Variants in ARHGAP18 observed in about 807,000 individuals in gnomAD.
ARHGAP18 encodes the protein Rho GTPase activating protein 18, also known as rho GTPase-activating protein 18.
ARHGAP18 carries 67 observed loss-of-function variants against 86.2 expected under a neutral mutation model. That is an observed-to-expected ratio of 0.78 (90% CI 0.64 to 0.95). The LOEUF is 0.95. ARHGAP18 is among the 40% of genes least tolerant of loss of function. The probability of loss-of-function intolerance (pLI) is 0.00; values close to 1 mark genes in which losing one functional copy is unlikely to be tolerated. For missense variants in ARHGAP18, 691 were observed against 780.4 expected, an observed-to-expected ratio of 0.89 and a Z score of 1.37; for synonymous variants, 283 against 280.4, an observed-to-expected ratio of 1.01 and a Z score of -0.09.
rs1204326686 is a variant in ARHGAP18 at position 129,618,769 on chromosome 6, T to C, written c.870A>G (p.Leu290=). The C allele has an allele frequency of 6.2e-7, 1 of 1,613,794 alleles. No individual in the cohort carries two copies. The highest frequency in any genetic ancestry group is 2.2e-5 in the East Asian group (1 of 44,872). The change falls in exon 6 of 15, where the codon TTA becomes TTG. Residue 290 remains leucine, a synonymous_variant. Transcript: ENST00000368149. ...APQDMKKVCH[L]ALIELTALYD... The stretch of plus-strand genomic sequence containing the variant: ...AGAGGGCAGTCAGCTCAATTAGGGC[T>C]AAATGGCAAACTTTCTTCATGTCCT...
chr6:129,604,237 T>G (rs1788807981), intron 10 of ARHGAP18, among the ~76,000 whole-genome samples: 1 of 150,420 alleles, frequency 6.6e-6, no homozygotes, highest in African/African-American at 2.4e-5. Context: ...ATCTTTCCGA[T>G]AGCCTCATAC....
chr6:129,661,496 C>CT (rs1286075605), intron 1 of ARHGAP18, among the ~76,000 whole-genome samples: 1 of 139,192 alleles, frequency 7.2e-6, no homozygotes, highest in Non-Finnish European at 1.5e-5. Context: ...AATATCCACC[C>CT]TTTTTCTCTT....
At chr6:129,692,302 G>A (rs931853894) in intron 1 of ARHGAP18, among the ~76,000 whole-genome samples, 6 of 152,104 alleles carry the variant, frequency 3.9e-5, no homozygotes, top group Admixed American at 1.3e-4. Context: ...AGTTAAGCTC[G>A]CCTGAGCAGA....
At chr6:129,616,372 G>T in intron 6 of ARHGAP18, 69 bp from the exon 7 acceptor site, 1 of 1,263,054 alleles carries the variant, frequency 7.9e-7, no homozygotes. Flanking sequence ...AAATGTTAAA[G>T]CATAAGATTT....
At chr6:129,701,313 C>A (rs1020332523) in intron 1 of ARHGAP18, among the ~76,000 whole-genome samples, 6 of 152,142 alleles carry the variant, frequency 3.9e-5, no homozygotes, top group Admixed American at 3.9e-4. Context: ...GTGTCATGTC[C>A]TAAATATCTT....
chr6:129,686,537 T>G (rs150034159), intron 1 of ARHGAP18, among the ~76,000 whole-genome samples: 1 of 152,240 alleles, frequency 6.6e-6, no homozygotes, highest in Admixed American at 6.5e-5. Context: ...CAGAGCTGCC[T>G]TGGCTCCTCA....
intron 6 of ARHGAP18, among the ~76,000 whole-genome samples, chr6:129,617,637 A>T (rs940096567): frequency 7.2e-5 from 11 of 152,260 alleles, no homozygotes; most frequent in East Asian, 3.9e-4. Flanking sequence ...AAACATAAGA[A>T]TTAAAAAAAA....
chr6:129,651,466 T>G (rs1773708863), intron 1 of ARHGAP18, among the ~76,000 whole-genome samples: 1 of 152,222 alleles, frequency 6.6e-6, no homozygotes, highest in Non-Finnish European at 1.5e-5. Flanking sequence ...CCTTACTCTC[T>G]GGTTGGGTGC....
rs2068686 is a variant in ARHGAP18 at position 129,708,645 on chromosome 6, A to G, written c.113+1379T>C. Among the ~76,000 whole-genome samples the G allele has an allele frequency of 8.1e-3, 1,240 of 152,324 alleles. 10 individuals carry two copies. The highest frequency in any genetic ancestry group is 0.061 in the Middle Eastern group (18 of 294). On this transcript the variant is annotated intron_variant, in intron 1 of 14. Transcript: ENST00000368149. ...GATCCAAGATTCAGCTCAGGTCCTC[A>G]GGCCATTCAGCCTAAAGTCGGAGAA...
chr6:129,603,350 T>C (rs1213890168), intron 10 of ARHGAP18, among the ~76,000 whole-genome samples: 1 of 152,180 alleles, frequency 6.6e-6, no homozygotes, highest in African/African-American at 2.4e-5. Flanking sequence ...TGAGTAGTAT[T>C]ACATGGTGTA....
At chr6:129,634,831 A>G (rs1773298159) in intron 3 of ARHGAP18, among the ~76,000 whole-genome samples, 1 of 152,188 alleles carries the variant, frequency 6.6e-6, no homozygotes. Context: ...TATCTCAATC[A>G]TGCTGTTATA....
intron 1 of ARHGAP18, among the ~76,000 whole-genome samples, chr6:129,648,538 G>C (rs897536472): frequency 2.6e-5 from 4 of 151,724 alleles, no homozygotes; most frequent in African/African-American, 9.7e-5. Flanking sequence ...TTGGGAGGCT[G>C]AGGTGGGAAG....
intron 13 of ARHGAP18, among the ~76,000 whole-genome samples, chr6:129,580,867 C>G (rs886410209): frequency 5.3e-5 from 8 of 151,838 alleles, no homozygotes; most frequent in Non-Finnish European, 1.0e-4. Flanking sequence ...AGAATGAGAT[C>G]CTGTCTCCAA....
At chr6:129,594,341 C>T (rs1788574376) in intron 12 of ARHGAP18, among the ~76,000 whole-genome samples, 2 of 152,164 alleles carry the variant, frequency 1.3e-5, no homozygotes, top group South Asian at 4.1e-4. Context: ...ACTCTTCCTG[C>T]CTGGGCTTCA....
chr6:129,662,559 A>G (rs987848585), intron 1 of ARHGAP18, among the ~76,000 whole-genome samples: 13 of 152,248 alleles, frequency 8.5e-5, no homozygotes, highest in African/African-American at 2.4e-4. Flanking sequence ...GCAAAGTTGT[A>G]GTCAGATGGC....
At chr6:129,624,434 G>A (rs576600483) in intron 5 of ARHGAP18, among the ~76,000 whole-genome samples, 48 of 152,172 alleles carry the variant, frequency 3.2e-4, no homozygotes, top group African/African-American at 1.2e-3. Flanking sequence ...GGAGGCTGAG[G>A]CAGGAGACTC....
chr6:129,616,266 T>C lies in ARHGAP18; in HGVS notation c.990A>G (p.Leu330=). 2 of 1,611,224 alleles carry C rather than the reference T, an allele frequency of 1.2e-6. No homozygotes were observed. Among genetic ancestry groups the C allele is most frequent in the Non-Finnish European group, 1.7e-6 (2 of 1,178,522 alleles). Reference sequence around the variant, plus strand: ...CTGGTACTTTCCTCTGATCTTGTTCTAATAGCGCTGTCAATGGAACGCAAA... The same window carrying C: ...CTGGTACTTTCCTCTGATCTTGTTCCAATAGCGCTGTCAATGGAACGCAAA... ...GLFCVPLTAL[L]EQDQRKVPGM... Residue 330 remains leucine (L), a synonymous_variant, in exon 7 of 15, where the codon TTA becomes TTG. Coordinates refer to ENST00000368149, the MANE Select transcript of ARHGAP18 (RefSeq NM_033515.3).
At chr6:129,609,735 C>T (rs1430342862) in intron 8 of ARHGAP18, among the ~76,000 whole-genome samples, 32 of 151,992 alleles carry the variant, frequency 2.1e-4, no homozygotes, top group Admixed American at 2.1e-3. Context: ...TTTCAGGGAG[C>T]TCTAAGTACC....
chr6:129,642,672 A>G (rs1313960988), intron 1 of ARHGAP18, among the ~76,000 whole-genome samples: 2 of 152,226 alleles, frequency 1.3e-5, no homozygotes, highest in Non-Finnish European at 2.9e-5. Flanking sequence ...ATTAATTGGG[A>G]ATGAATTTTA....
Sources: allele counts gnomAD v4.1 joint callset (sites outside exome capture counted in the v4.1 genomes callset), GRCh38; gene constraint gnomAD v4.1.1; transcripts MANE v1.5; gene names NCBI Gene and HGNC (gene_info 2026-07-23, HGNC 2026-07-21).